The following NPSR1 variants were observed in gnomAD, a reference collection of about 807,000 sequenced individuals.
NPSR1 encodes neuropeptide S receptor 1.
NPSR1 carries 48 observed loss-of-function variants against 46.9 expected under a neutral mutation model. The observed-to-expected ratio is 1.02, with a 90% CI of 0.81 to 1.30. NPSR1 has a LOEUF of 1.30. NPSR1 is among the 50% of genes most tolerant of loss of function. The pLI, the probability that NPSR1 is intolerant of heterozygous loss-of-function variation, is 0.00. For missense variants in NPSR1, 450 were observed against 449.5 expected (o/e 1.00, Z -0.01); for synonymous variants, 176 against 168.1 (o/e 1.05, Z -0.36).
downstream of NPSR1, among the ~76,000 whole-genome samples, chr7:34,852,431 C>T (rs1367146745): frequency 6.6e-6 from 1 of 152,058 alleles, no homozygotes; most frequent in Non-Finnish European, 1.5e-5. Flanking sequence ...CATTGATGGT[C>T]TCATCTGCAA....
At chr7:34,789,463 A>G (rs952284144) in intron 3 of NPSR1, among the ~76,000 whole-genome samples, 5 of 149,414 alleles carry the variant, frequency 3.3e-5, no homozygotes, top group African/African-American at 9.7e-5. Context: ...AACTGATACC[A>G]TAGAAACAAA....
At chr7:34,722,243 CAA>C (rs1387758426) in intron 2 of NPSR1, among the ~76,000 whole-genome samples, 1 of 152,026 alleles carries the variant, frequency 6.6e-6, no homozygotes, top group East Asian at 1.9e-4. Flanking sequence ...CTTATATGGA[CAA>C]AACATACCTA....
At chr7:34,875,461 G>C (rs974603437) in intron 8 of NPSR1, among the ~76,000 whole-genome samples, 13 of 152,206 alleles carry the variant, frequency 8.5e-5, no homozygotes, top group African/African-American at 2.9e-4. Flanking sequence ...CTGATTCAAG[G>C]AATGAGATGG....
At chr7:34,862,047 C>A (rs1791201936) in intron 8 of NPSR1, among the ~76,000 whole-genome samples, 1 of 151,868 alleles carries the variant, frequency 6.6e-6, no homozygotes, top group Non-Finnish European at 1.5e-5. Context: ...ACCATTGCAC[C>A]TGCACCCTTT....
chr7:34,852,279 G>A (rs547911553), downstream of NPSR1, among the ~76,000 whole-genome samples: 37 of 152,230 alleles, frequency 2.4e-4, no homozygotes, highest in Non-Finnish European at 4.6e-4. Flanking sequence ...CGGCCTGGGC[G>A]AGAGAGCGAG....
chr7:34,835,930 T>C (rs1213805607), intron 6 of NPSR1, among the ~76,000 whole-genome samples: 3 of 152,184 alleles, frequency 2.0e-5, no homozygotes. Context: ...ATGGATTTTA[T>C]TATTTCGGAA....
At chr7:34,755,653 A>G (rs1391228991) in intron 2 of NPSR1, among the ~76,000 whole-genome samples, 1 of 152,016 alleles carries the variant, frequency 6.6e-6, no homozygotes, top group Non-Finnish European at 1.5e-5. Context: ...TGAGCTGCTT[A>G]TTTTTATTAT....
intron 3 of NPSR1, among the ~76,000 whole-genome samples, chr7:34,785,355 G>A (rs896081859): frequency 1.5e-5 from 2 of 135,570 alleles, no homozygotes; most frequent in East Asian, 4.6e-4. Context: ...CACAGGAAGG[G>A]GAACATCACA....
chr7:34,780,787 T>C (rs1333611946), intron 3 of NPSR1, among the ~76,000 whole-genome samples: 1 of 152,186 alleles, frequency 6.6e-6, no homozygotes, highest in Non-Finnish European at 1.5e-5. Flanking sequence ...TTATTTGACA[T>C]GTCTGGCAGT....
chr7:34,733,404 G>GT lies in NPSR1; in HGVS notation c.281-45058_281-45057insT, dbSNP rs1784522234. Among the ~76,000 whole-genome samples the GT allele has an allele frequency of 4.7e-5, 6 of 128,832 alleles. No individual in the cohort carries two copies. The Admixed American group carries it at 4.9e-4, about 11-fold the overall frequency. 84.5% of individuals were successfully genotyped at this position (128,832 alleles called of 152,430 possible). A position where few individuals can be genotyped will look rare whatever the true frequency, so the allele number is the denominator to read the frequency against. On this transcript the variant is annotated intron_variant, in intron 2 of 8. Transcript: ENST00000360581. ...ACTGCACTCCACCCTGGGTAACAAA[G>GT]CAAGATTTTGTCTTAAAAAAAAAAA... is the stretch of plus-strand genomic sequence containing the variant.
chr7:34,866,114 G>A (rs1426490875), intron 8 of NPSR1, among the ~76,000 whole-genome samples: 1 of 151,818 alleles, frequency 6.6e-6, no homozygotes, highest in Non-Finnish European at 1.5e-5. Flanking sequence ...ACAATACCCT[G>A]CATAGCCCTG....
At chr7:34,724,484 G>A (rs1229194900) in intron 2 of NPSR1, among the ~76,000 whole-genome samples, 1 of 152,196 alleles carries the variant, frequency 6.6e-6, no homozygotes, top group Non-Finnish European at 1.5e-5. Flanking sequence ...GTTCAGAGAG[G>A]GAGAGAAAGA....
chr7:34,875,586 C>T (rs969797759), intron 8 of NPSR1, among the ~76,000 whole-genome samples: 10 of 152,288 alleles, frequency 6.6e-5, no homozygotes, highest in Admixed American at 5.2e-4. Flanking sequence ...ACGAATCAAG[C>T]GCTCCCTGAG....
intron 5 of NPSR1, 97 bp downstream of exon 5, chr7:34,827,699 T>G: frequency 2.4e-6 from 2 of 839,634 alleles, no homozygotes; most frequent in Non-Finnish European, 3.7e-6. Context: ...AGACCCATTT[T>G]TCCTAGTGCC....
chr7:34,692,622 A>C (rs935812523), intron 2 of NPSR1, among the ~76,000 whole-genome samples: 1 of 152,212 alleles, frequency 6.6e-6, no homozygotes, highest in African/African-American at 2.4e-5. Flanking sequence ...TTAACAACCT[A>C]ACATTACACC....
At chr7:34,744,155 T>A (rs1416830326) in intron 2 of NPSR1, among the ~76,000 whole-genome samples, 3 of 152,216 alleles carry the variant, frequency 2.0e-5, no homozygotes, top group Admixed American at 6.5e-5. Context: ...CTTTATTTAT[T>A]CTAATGGGCT....
At chr7:34,781,917 G>C (rs1262917494) in intron 3 of NPSR1, among the ~76,000 whole-genome samples, 1 of 152,180 alleles carries the variant, frequency 6.6e-6, no homozygotes, top group Non-Finnish European at 1.5e-5. Context: ...CCACCATAGA[G>C]AGCTAGCCCC....
At chr7:34,870,566 T>C (rs1199963979) in intron 8 of NPSR1, among the ~76,000 whole-genome samples, 2 of 151,736 alleles carry the variant, frequency 1.3e-5, no homozygotes, top group Non-Finnish European at 2.9e-5. Flanking sequence ...GAATGCCTTA[T>C]GTAAATGGTT....
At chr7:34,797,529 A>C (rs972387899) in intron 3 of NPSR1, among the ~76,000 whole-genome samples, 1 of 152,234 alleles carries the variant, frequency 6.6e-6, no homozygotes, top group Admixed American at 6.5e-5. Flanking sequence ...TAGAATTCCC[A>C]AGAACTGTGG....
Sources: allele counts gnomAD v4.1 joint callset (sites outside exome capture counted in the v4.1 genomes callset), GRCh38; gene constraint gnomAD v4.1.1; transcripts MANE v1.5; gene names NCBI Gene and HGNC (gene_info 2026-07-23, HGNC 2026-07-21).